Variants in CCDC7 observed in about 807,000 individuals in gnomAD.
CCDC7 encodes coiled-coil domain containing 7.
CCDC7 carries 183 observed loss-of-function variants against 196.9 expected under a neutral mutation model. The observed-to-expected ratio is 0.93, with a 90% CI of 0.82 to 1.05. CCDC7 has a LOEUF of 1.05. Among genes scored for constraint, CCDC7 ranks in the 50% least tolerant of loss-of-function variants. The pLI, the probability that CCDC7 is intolerant of heterozygous loss-of-function variation, is 0.00. For synonymous variants in CCDC7, 525 were observed against 484.6 expected (o/e 1.08, Z -1.10); for missense variants, 1,540 against 1,482.2 (o/e 1.04, Z -0.64).
At chr10:32,663,401 C>T (rs1210807766) in intron 20 of CCDC7, among the ~76,000 whole-genome samples, 2 of 152,170 alleles carry the variant, frequency 1.3e-5, no homozygotes, top group African/African-American at 4.8e-5. Flanking sequence ...AAATTTTGGT[C>T]ACCAACTACT....
chr10:32,843,672 C>T (rs967639972), intron 33 of CCDC7, among the ~76,000 whole-genome samples: 5 of 151,922 alleles, frequency 3.3e-5, no homozygotes, highest in African/African-American at 1.2e-4. Flanking sequence ...ACCTTATCTC[C>T]CCTAAAATGC....
At chr10:32,835,424 A>G (rs1044192598) in intron 33 of CCDC7, among the ~76,000 whole-genome samples, 2 of 152,098 alleles carry the variant, frequency 1.3e-5, no homozygotes. Context: ...AAAGACATGA[A>G]ATCAACCCAA....
chr10:32,712,618 T>G (rs939388282), intron 25 of CCDC7, among the ~76,000 whole-genome samples: 2 of 152,202 alleles, frequency 1.3e-5, no homozygotes, highest in African/African-American at 4.8e-5. Flanking sequence ...AGTTGGGGAA[T>G]TTTGGAAGCC....
At chr10:32,489,365 C>T (rs1201611430) in intron 8 of CCDC7, among the ~76,000 whole-genome samples, 1 of 152,134 alleles carries the variant, frequency 6.6e-6, no homozygotes, top group Admixed American at 6.5e-5. Flanking sequence ...TGTGGTCACA[C>T]CTGGAGAGCA....
At chr10:32,685,171 C>T (rs1357711029) in intron 21 of CCDC7, among the ~76,000 whole-genome samples, 2 of 148,728 alleles carry the variant, frequency 1.3e-5, no homozygotes, top group African/African-American at 4.9e-5. Flanking sequence ...AATCCTTCTT[C>T]CTTACCTAAC....
intron 9 of CCDC7, among the ~76,000 whole-genome samples, chr10:32,509,280 A>G (rs1450102875): frequency 2.6e-5 from 4 of 152,218 alleles, no homozygotes; most frequent in African/African-American, 9.6e-5. Context: ...ATCTTCAGCA[A>G]TAGTGTCAGA....
intron 20 of CCDC7, among the ~76,000 whole-genome samples, chr10:32,653,361 A>G (rs1488663053): frequency 6.6e-6 from 1 of 152,118 alleles, no homozygotes; most frequent in African/African-American, 2.4e-5. Context: ...CTAAGTTCCA[A>G]TACAGCCCCC....
At chr10:32,692,515 C>G (rs2077201988) in intron 23 of CCDC7, among the ~76,000 whole-genome samples, 1 of 152,118 alleles carries the variant, frequency 6.6e-6, no homozygotes, top group Non-Finnish European at 1.5e-5. Context: ...GAGTCTCTTG[C>G]AATTGATCCA....
At chr10:32,647,679 A>T (rs1273056270) in intron 20 of CCDC7, among the ~76,000 whole-genome samples, 2 of 151,434 alleles carry the variant, frequency 1.3e-5, no homozygotes, top group Non-Finnish European at 3.0e-5. Flanking sequence ...TTCAATGGAG[A>T]TTTTTTCTTG....
chr10:32,776,177 T>C (rs1243388894), intron 28 of CCDC7, among the ~76,000 whole-genome samples: 2 of 149,218 alleles, frequency 1.3e-5, no homozygotes, highest in Non-Finnish European at 3.0e-5. Flanking sequence ...ATATACCTAA[T>C]GCTAGATGAC....
intron 18 of CCDC7, among the ~76,000 whole-genome samples, chr10:32,598,559 CT>C (rs1422607249): frequency 6.6e-6 from 1 of 152,206 alleles, no homozygotes; most frequent in Non-Finnish European, 1.5e-5. Flanking sequence ...AATCACCTGT[CT>C]TCTGCATCAT....
At chr10:32,725,903 C>T (rs932599249) in intron 25 of CCDC7, among the ~76,000 whole-genome samples, 2 of 152,060 alleles carry the variant, frequency 1.3e-5, no homozygotes, top group Non-Finnish European at 1.5e-5. Context: ...GGACTCATGT[C>T]CAAACCATAT....
At chr10:32,540,045 G>A (rs2136079499) in intron 11 of CCDC7, among the ~76,000 whole-genome samples, 1 of 151,202 alleles carries the variant, frequency 6.6e-6, no homozygotes, top group African/African-American at 2.4e-5. Context: ...GTTGAGTTTA[G>A]GTGCTGAATA....
chr10:32,811,063 G>A (rs184797008), intron 30 of CCDC7, among the ~76,000 whole-genome samples: 95 of 152,024 alleles, frequency 6.2e-4, no homozygotes, highest in Admixed American at 7.9e-4. Flanking sequence ...CCATCAAAGA[G>A]TAGAAAGATT....
At chr10:32,547,011 T>G (rs2052584303) in intron 13 of CCDC7, among the ~76,000 whole-genome samples, 1 of 151,846 alleles carries the variant, frequency 6.6e-6, no homozygotes, top group South Asian at 2.1e-4. Context: ...TTCCTCTTCC[T>G]CCTCCTCCTC....
intron 24 of CCDC7, among the ~76,000 whole-genome samples, chr10:32,700,849 C>G (rs111373009): frequency 0.089 from 13,541 of 152,124 alleles, 862 homozygotes; most frequent in East Asian, 0.33. Context: ...CGATTTGGCT[C>G]TCTGTTTGTC....
intron 18 of CCDC7, among the ~76,000 whole-genome samples, chr10:32,608,604 G>A (rs1307892548): frequency 3.9e-5 from 6 of 151,970 alleles, no homozygotes; most frequent in East Asian, 1.9e-4. Flanking sequence ...GCAGTGGTGC[G>A]ATCTAGGCTC....
At chr10:32,751,901 C>T (rs1335996) in intron 28 of CCDC7, among the ~76,000 whole-genome samples, 5 of 152,108 alleles carry the variant, frequency 3.3e-5, no homozygotes, top group African/African-American at 1.2e-4. Flanking sequence ...GAAGTTCTAT[C>T]GGCAGAGAAC....
chr10:32,768,670 A>C (rs1037192463), intron 28 of CCDC7, among the ~76,000 whole-genome samples: 1 of 151,910 alleles, frequency 6.6e-6, no homozygotes, highest in Non-Finnish European at 1.5e-5. Context: ...TATGGCCTTT[A>C]TTATTTTGAG....
Sources: allele counts gnomAD v4.1 joint callset (sites outside exome capture counted in the v4.1 genomes callset), GRCh38; gene constraint gnomAD v4.1.1; transcripts MANE v1.5; gene names NCBI Gene and HGNC (gene_info 2026-07-23, HGNC 2026-07-21).